The following JUP variants were observed in gnomAD, a reference collection of about 807,000 sequenced individuals.
JUP encodes junction plakoglobin.
JUP carries 28 observed loss-of-function variants against 71.1 expected under a neutral mutation model. The observed-to-expected ratio is 0.39, with a 90% CI of 0.29 to 0.54. The LOEUF (loss-of-function observed/expected upper bound fraction) is 0.54, where lower values mean the gene tolerates loss of function less well. Ranked by LOEUF, JUP falls within the 20% of genes least tolerant of loss-of-function variation. The pLI is 0.62. For missense variants in JUP, 869 were observed against 1,030.1 expected (o/e 0.84, Z 2.14); for synonymous variants, 401 against 438.9 (o/e 0.91, Z 1.08).
At chr17:41,766,141 A>C (rs1225940115) in intron 5 of JUP, among the ~76,000 whole-genome samples, 1 of 152,130 alleles carries the variant, frequency 6.6e-6, no homozygotes, top group East Asian at 1.9e-4. Context: ...AGTCCTAGCT[A>C]TCAGGAAGAC....
At chr17:41,782,974 G>C (rs1318718434) in intron 1 of JUP, among the ~76,000 whole-genome samples, 1 of 151,922 alleles carries the variant, frequency 6.6e-6, no homozygotes, top group Non-Finnish European at 1.5e-5. Context: ...GTGCATGCCT[G>C]TAATCCCAGC....
intron 8 of JUP, among the ~76,000 whole-genome samples, chr17:41,759,422 A>G (rs1350110015): frequency 6.6e-6 from 1 of 152,066 alleles, no homozygotes; most frequent in Admixed American, 6.6e-5. Flanking sequence ...ACCCCATTCC[A>G]GAACATCCTG....
At chr17:41,761,569 T>C (rs1281471207) in intron 8 of JUP, among the ~76,000 whole-genome samples, 1 of 152,082 alleles carries the variant, frequency 6.6e-6, no homozygotes, top group Admixed American at 6.6e-5. Flanking sequence ...CCTAGCACTT[T>C]GGAAGGCCAA....
At chr17:41,758,286 C>T (rs1914205347) in intron 10 of JUP, 113 bp downstream of exon 10, 4 of 1,431,142 alleles carry the variant, frequency 2.8e-6, no homozygotes. Flanking sequence ...TTCCTCCAAA[C>T]TCCTCCAAAG....
rs140237294 is a variant in JUP at position 41,756,284 on chromosome 17, G to A, written c.2047-70C>T. On this transcript the variant is annotated intron_variant, in intron 12 of 13. Transcript: ENST00000393931. Reference sequence around the variant, plus strand: ...GGCTCCGAGCTGGATCTCAGCTGGTGGGCAGGGAGAGATGCTTCTAAAAGA... The same window carrying A: ...GGCTCCGAGCTGGATCTCAGCTGGTAGGCAGGGAGAGATGCTTCTAAAAGA... The A allele has an allele frequency of 5.6e-4, 831 of 1,485,662 alleles. 7 individuals carry two copies. The East Asian group carries it at 0.012, about 22-fold the overall frequency. 92.0% of individuals were successfully genotyped at this position (1,485,662 alleles called of 1,614,324 possible).
At chr17:41,761,977 G>A (rs782663528) in intron 8 of JUP, among the ~76,000 whole-genome samples, 2 of 151,394 alleles carry the variant, frequency 1.3e-5, no homozygotes, top group African/African-American at 2.4e-5. Flanking sequence ...GCCAAGGCAG[G>A]AGAATCACTT....
intron 7 of JUP, among the ~76,000 whole-genome samples, chr17:41,763,622 T>C (rs1277240797): frequency 2.6e-5 from 4 of 152,066 alleles, no homozygotes; most frequent in Non-Finnish European, 5.9e-5. Flanking sequence ...CATCAGCCTT[T>C]CCCTGGGGCC....
Position 41,758,762 on chromosome 17 carries a change from G to C in JUP, c.1606C>G (p.Gln536Glu), listed in dbSNP as rs782683108. The C allele has an allele frequency of 2.5e-6, 4 of 1,608,900 alleles. No individual in the cohort carries two copies. In the East Asian group the frequency reaches 9.0e-5, roughly 36 times the overall value. ...GCAGCTACGTGGCGCTGGGCATCCT[G>C]GTGGGCCTTCACCAGCAGTTGGACG... ...RLVQLLVKAH[Q>E]DAQRHVAAGT... The change falls in exon 9 of 14, where the codon CAG becomes GAG. Residue 536 changes from glutamine to glutamate, a missense_variant. Coordinates refer to ENST00000393931, the MANE Select transcript of JUP (RefSeq NM_002230.4).
At chr17:41,756,344 A>C (rs1913741220) in intron 12 of JUP, 130 bp from the exon 13 acceptor site, 1 of 853,168 alleles carries the variant, frequency 1.2e-6, no homozygotes, top group Non-Finnish European at 1.9e-6. Context: ...TCACGCCTGT[A>C]ATCCCAGCAC....
rs199591001 is a variant in JUP, at chr17:41,769,462, G to A, written c.424C>T (p.Arg142Cys). 6.2e-6 allele frequency: 10 copies of A among 1,613,010 alleles called. No individual in the cohort carries two copies. Among genetic ancestry groups the A allele is most frequent in the Middle Eastern group, 3.3e-4 (2 of 6,056 alleles). The part of the protein sequence containing the change: ...NYQDDAELAT[R>C]ALPELTKLLN... Reference sequence around the variant, plus strand: ...AGTTTGGTGAGCTCGGGCAGGGCGCGAGTGGCCAGCTCGGCATCGTCCTGG... The same window carrying A: ...AGTTTGGTGAGCTCGGGCAGGGCGCAAGTGGCCAGCTCGGCATCGTCCTGG... Residue 142 changes from arginine (R) to cysteine (C), a missense_variant, in exon 3 of 14, where the codon CGC becomes TGC. Coordinates refer to ENST00000393931, the MANE Select transcript of JUP (RefSeq NM_002230.4).
chr17:41,772,001 T>C lies in JUP; in HGVS notation c.-8-139A>G, dbSNP rs1916733859. On this transcript the variant is annotated intron_variant, in intron 1 of 13. Transcript: ENST00000393931. ...TTTCAATGAGGATGCAGGCTGGGGA[T>C]GGGGGGACTGCCCAGAAGGGCACCA... 9 of 835,258 alleles carry C rather than the reference T, an allele frequency of 1.1e-5. No homozygotes were observed. The Admixed American group carries it at 1.4e-4, about 13-fold the overall frequency. 51.7% of individuals were successfully genotyped at this position (835,258 alleles called of 1,614,324 possible). A position where few individuals can be genotyped will look rare whatever the true frequency, so the allele number is the denominator to read the frequency against.
At chr17:41,785,471 C>T (rs2047410620) in intron 1 of JUP, among the ~76,000 whole-genome samples, 1 of 152,084 alleles carries the variant, frequency 6.6e-6, no homozygotes, top group African/African-American at 2.4e-5. Flanking sequence ...CCGGCCCCTA[C>T]CTCAGGCCCC....
At chr17:41,777,966 T>C (rs2046964327) in intron 1 of JUP, among the ~76,000 whole-genome samples, 1 of 152,114 alleles carries the variant, frequency 6.6e-6, no homozygotes, top group Non-Finnish European at 1.5e-5. Flanking sequence ...CTCCTGGGAA[T>C]GGAAAAACAC....
At chr17:41,776,092 G>T in intron 1 of JUP, 1 of 559,870 alleles carries the variant, frequency 1.8e-6, no homozygotes, top group Non-Finnish European at 2.3e-6. Flanking sequence ...GACAGGAGTG[G>T]GTTACCCCAG....
In JUP at chr17:41,767,590, T is replaced by TGGGGGGGGG; in HGVS notation, c.708-11_708-10insCCCCCCCCC. 1 of 974,504 alleles carries TGGGGGGGGG rather than the reference T, an allele frequency of 1.0e-6. No individual in the cohort carries two copies. Among genetic ancestry groups the TGGGGGGGGG allele is most frequent in the Non-Finnish European group, 1.6e-6 (1 of 630,774 alleles). The allele number at this position is 974,504 out of a possible 1,614,324, so 60.4% of individuals were successfully genotyped here. A position where few individuals can be genotyped will look rare whatever the true frequency, so the allele number is the denominator to read the frequency against. Reference sequence around the variant, plus strand: ...CGACTCCACAGGGGAGCTGGGGGGGTGGGCAGGGGTTAGTACGCTGAGGTC... The same window carrying TGGGGGGGGG: ...CGACTCCACAGGGGAGCTGGGGGGGTGGGGGGGGGGGGCAGGGGTTAGTACGCTGAGGTC... On this transcript the variant is annotated splice_polypyrimidine_tract_variant and intron_variant, in intron 4 of 13. Coordinates refer to ENST00000393931, the MANE Select transcript of JUP (RefSeq NM_002230.4).
At chr17:41,766,924 G>A (rs1222962818) in intron 5 of JUP, among the ~76,000 whole-genome samples, 1 of 151,752 alleles carries the variant, frequency 6.6e-6, no homozygotes, top group Non-Finnish European at 1.5e-5. Flanking sequence ...GCACACGCCT[G>A]AAGTCCCAGC....
At chr17:41,757,278 A>G in intron 12 of JUP, 137 bp downstream of exon 12, 1 of 1,024,032 alleles carries the variant, frequency 9.8e-7, no homozygotes, top group South Asian at 1.3e-5. Context: ...TCCATCTGCT[A>G]GGAATTGTTA....
At position 41,764,534 on chromosome 17, in the gene JUP, G is replaced by GAAAA. The variant is rs1555603054; in HGVS notation, c.1158+175_1158+178dup. 1.7e-3 allele frequency among the ~76,000 whole-genome samples: 145 copies of GAAAA among 83,912 alleles called. 2 individuals are homozygous for GAAAA. Among genetic ancestry groups the GAAAA allele is most frequent in the African/African-American group, 3.7e-3 (61 of 16,710 alleles). 55.0% of individuals were successfully genotyped at this position (83,912 alleles called of 152,430 possible). ...TAGGTGACAGAGTGAGACTCCGTCA[G>GAAAA]AAAAAAAAAAAAAAAAAAAAAAAGA... On this transcript the variant is annotated intron_variant, in intron 7 of 13. Transcript: ENST00000393931.
intron 12 of JUP, 89 bp downstream of exon 12, chr17:41,757,326 G>C: frequency 7.3e-7 from 1 of 1,363,354 alleles, no homozygotes; most frequent in South Asian, 1.2e-5. Flanking sequence ...CTATGAAGTT[G>C]ACAGTAGTAG....
Sources: allele counts gnomAD v4.1 joint callset (sites outside exome capture counted in the v4.1 genomes callset), GRCh38; gene constraint gnomAD v4.1.1; transcripts MANE v1.5; gene names NCBI Gene and HGNC (gene_info 2026-07-23, HGNC 2026-07-21).